ME1: variants seen among roughly 807,000 people sequenced by gnomAD.
ME1 encodes the protein NADP-dependent malic enzyme.
In ME1, 74 loss-of-function variants were observed where a neutral mutation model predicts 66.4. The ratio of observed to expected loss-of-function variants is 1.11; its 90% CI spans 0.92 to 1.35. ME1 has a LOEUF of 1.35. Ranked by LOEUF, ME1 falls within the 40% of genes most tolerant of loss-of-function variation. The pLI is 0.00. For synonymous variants in ME1, 251 were observed against 235.6 expected, an observed-to-expected ratio of 1.07 and a Z score of -0.60; for missense variants, 750 against 694.1, an observed-to-expected ratio of 1.08 and a Z score of -0.90.
intron 7 of ME1, among the ~76,000 whole-genome samples, chr6:83,249,399 G>A (rs1790682716): frequency 6.6e-6 from 1 of 151,902 alleles, no homozygotes; most frequent in African/African-American, 2.4e-5. Flanking sequence ...GCTAATTTTT[G>A]TATTTCTAGT....
chr6:83,266,179 A>G (rs552632211), intron 6 of ME1, among the ~76,000 whole-genome samples: 1 of 152,224 alleles, frequency 6.6e-6, no homozygotes, highest in South Asian at 2.1e-4. Context: ...AAAAAATCAA[A>G]CTATTTTATA....
chr6:83,357,058 G>A (rs1445656778), intron 3 of ME1, among the ~76,000 whole-genome samples: 1 of 152,124 alleles, frequency 6.6e-6, no homozygotes, highest in Non-Finnish European at 1.5e-5. Context: ...ACAATTTAGT[G>A]TTTTTATAGA....
chr6:83,414,112 A>G (rs914296248), intron 1 of ME1, among the ~76,000 whole-genome samples: 9 of 82,066 alleles, frequency 1.1e-4, no homozygotes, highest in South Asian at 7.0e-4. Context: ...CCCCATCTTG[A>G]AAAAAAAAAA....
chr6:83,240,675 G>A (rs553996262), intron 7 of ME1, among the ~76,000 whole-genome samples: 6 of 152,170 alleles, frequency 3.9e-5, no homozygotes, highest in Admixed American at 2.6e-4. Context: ...CTAGCTAAAC[G>A]TTAAATACCC....
chr6:83,428,622 AAGGCCTAG>A (rs1770417593), intron 1 of ME1, among the ~76,000 whole-genome samples: 1 of 152,284 alleles, frequency 6.6e-6, no homozygotes, highest in Non-Finnish European at 1.5e-5. Flanking sequence ...AGCAAAATTA[AAGGCCTAG>A]AGGTCTTGAA....
rs141372979 is a variant in ME1, at chr6:83,347,636, T to C, written c.439-1302A>G. ...CATTTGGCACACAGTAAACAATCAA[T>C]AAATATTAGTAAATTGAATAAAACT... On this transcript the variant is annotated intron_variant, in intron 4 of 13. Coordinates refer to ENST00000369705, the MANE Select transcript of ME1 (RefSeq NM_002395.6). Among the ~76,000 whole-genome samples the C allele has an allele frequency of 8.0e-4, 122 of 152,258 alleles. 1 individual carries two copies. The highest frequency in any genetic ancestry group is 2.9e-3 in the African/African-American group (119 of 41,566).
At chr6:83,288,444 T>C (rs1302535276) in intron 6 of ME1, among the ~76,000 whole-genome samples, 1 of 152,190 alleles carries the variant, frequency 6.6e-6, no homozygotes, top group Admixed American at 6.5e-5. Flanking sequence ...GTGTCAGTTT[T>C]GTCAAAGATC....
At chr6:83,256,799 C>T (rs986347416) in intron 6 of ME1, among the ~76,000 whole-genome samples, 1 of 152,116 alleles carries the variant, frequency 6.6e-6, no homozygotes, top group African/African-American at 2.4e-5. Flanking sequence ...ACCAAATGCC[C>T]ATCAGTGATA....
chr6:83,238,353 T>A (rs1170219656), intron 8 of ME1, among the ~76,000 whole-genome samples: 1 of 152,176 alleles, frequency 6.6e-6, no homozygotes, highest in Non-Finnish European at 1.5e-5. Context: ...TCCTTGGTAT[T>A]TGGTAAATTT....
intron 6 of ME1, among the ~76,000 whole-genome samples, chr6:83,275,377 A>G (rs1249745547): frequency 2.0e-5 from 3 of 151,180 alleles, no homozygotes; most frequent in Non-Finnish European, 4.4e-5. Context: ...ATAATAATAA[A>G]CTAGCACTAC....
intron 8 of ME1, among the ~76,000 whole-genome samples, chr6:83,238,799 A>ATATATATATATATATATATATATATATAT (rs1554263094): frequency 7.2e-5 from 10 of 139,282 alleles, no homozygotes; most frequent in Admixed American, 4.4e-4. Context: ...TTTCTTGAAA[A>ATATATATATATATATATATATATATATAT]ATATATATAT....
intron 6 of ME1, among the ~76,000 whole-genome samples, chr6:83,272,716 A>G (rs1319476922): frequency 1.3e-5 from 2 of 152,344 alleles, no homozygotes; most frequent in East Asian, 3.9e-4. Flanking sequence ...CTGAGGACAT[A>G]CATCTCACAT....
chr6:83,405,275 A>G (rs979698969), intron 2 of ME1, among the ~76,000 whole-genome samples: 1 of 152,146 alleles, frequency 6.6e-6, no homozygotes, highest in Non-Finnish European at 1.5e-5. Context: ...GCAATTGTGA[A>G]TGCGAGTTCA....
At chr6:83,229,508 C>T (rs1183801783) in intron 9 of ME1, among the ~76,000 whole-genome samples, 1 of 152,156 alleles carries the variant, frequency 6.6e-6, no homozygotes, top group East Asian at 1.9e-4. Flanking sequence ...GATTTGACTA[C>T]ATAATGGATC....
In ME1 at chr6:83,235,900, T is replaced by TA. The variant is rs1175632806; in HGVS notation, c.1026+1816dup. Among the ~76,000 whole-genome samples the TA allele has an allele frequency of 6.6e-5, 10 of 152,188 alleles. No homozygotes were observed. In the East Asian group the frequency reaches 1.3e-3, roughly 21 times the overall value. ...GAAACATATTTATGTATATTAATTT[T>TA]AAAAAACAAATATTTTTCTAGCTTT... On this transcript the variant is annotated intron_variant, in intron 9 of 13. Coordinates refer to ENST00000369705, the MANE Select transcript of ME1 (RefSeq NM_002395.6).
chr6:83,265,590 C>T (rs1027038519), intron 6 of ME1, among the ~76,000 whole-genome samples: 7 of 152,150 alleles, frequency 4.6e-5, no homozygotes, highest in African/African-American at 1.2e-4. Context: ...TATGAGTCAC[C>T]GGGCCTGGCC....
chr6:83,292,297 G>A (rs1476106637), intron 6 of ME1, among the ~76,000 whole-genome samples: 1 of 152,130 alleles, frequency 6.6e-6, no homozygotes, highest in Admixed American at 6.5e-5. Context: ...TACGAATAGG[G>A]TTTTGGTGTG....
chr6:83,405,287 T>A (rs1442804775), intron 2 of ME1, among the ~76,000 whole-genome samples: 2 of 152,170 alleles, frequency 1.3e-5, no homozygotes, highest in African/African-American at 4.8e-5. Flanking sequence ...GCGAGTTCAT[T>A]CATGATTTGG....
In ME1 at chr6:83,287,915, C is replaced by T. The variant is rs1767427316; in HGVS notation, c.704+27395G>A. Among the ~76,000 whole-genome samples the T allele has an allele frequency of 1.3e-5, 2 of 152,114 alleles. 1 individual carries two copies. Among genetic ancestry groups the T allele is most frequent in the South Asian group, 4.1e-4 (2 of 4,820 alleles). Reference sequence around the variant, plus strand: ...TTCTCTAATGACCAGTTATAATGAGCATTTTTTCATATGTCTGTTGGCTGC... The same window carrying T: ...TTCTCTAATGACCAGTTATAATGAGTATTTTTTCATATGTCTGTTGGCTGC... On this transcript the variant is annotated intron_variant, in intron 6 of 13. Transcript: ENST00000369705.
Sources: allele counts gnomAD v4.1 joint callset (sites outside exome capture counted in the v4.1 genomes callset), GRCh38; gene constraint gnomAD v4.1.1; transcripts MANE v1.5; gene names NCBI Gene and HGNC (gene_info 2026-07-23, HGNC 2026-07-21).